RAI1: variants seen among roughly 807,000 people sequenced by gnomAD.
RAI1 encodes retinoic acid-induced protein 1.
Under a neutral mutation model 123.8 loss-of-function variants are expected in RAI1, and 9 were observed. The ratio of observed to expected loss-of-function variants is 0.07; its 90% CI spans 0.04 to 0.13. The LOEUF (loss-of-function observed/expected upper bound fraction) is 0.13, where lower values mean the gene tolerates loss of function less well. Among genes scored for constraint, RAI1 ranks in the 10% least tolerant of loss-of-function variants. The pLI is 1.00. For synonymous variants in RAI1, 1,231 were observed against 1,127.3 expected (o/e 1.09, Z -1.84); for missense variants, 2,256 against 2,545.8 (o/e 0.89, Z 2.45).
chr17:17,721,151 C>T (rs1422333873), intron 1 of RAI1, among the ~76,000 whole-genome samples: 1 of 152,012 alleles, frequency 6.6e-6, no homozygotes, highest in Non-Finnish European at 1.5e-5. Flanking sequence ...ATGTCCTGGC[C>T]CTGATGTTCT....
At chr17:17,724,352 G>C (rs939537498) in intron 2 of RAI1, among the ~76,000 whole-genome samples, 193 bp downstream of exon 2, 7 of 148,510 alleles carry the variant, frequency 4.7e-5, no homozygotes, top group Non-Finnish European at 8.9e-5. Flanking sequence ...ATGTTTGGGG[G>C]TTTTCCACGC....
intron 2 of RAI1, among the ~76,000 whole-genome samples, chr17:17,756,850 C>T (rs1016005558): frequency 1.3e-5 from 2 of 152,206 alleles, no homozygotes; most frequent in African/African-American, 4.8e-5. Flanking sequence ...CTTGGCCAGG[C>T]CTCAGGCTTC....
intron 2 of RAI1, among the ~76,000 whole-genome samples, chr17:17,765,445 G>GT (rs1383281774): frequency 2.6e-5 from 4 of 152,248 alleles, no homozygotes; most frequent in African/African-American, 7.2e-5. Flanking sequence ...GGTCTGTATT[G>GT]TACACACAAG....
At chr17:17,765,060 A>G (rs2030869441) in intron 2 of RAI1, among the ~76,000 whole-genome samples, 1 of 152,248 alleles carries the variant, frequency 6.6e-6, no homozygotes, top group Admixed American at 6.5e-5. Flanking sequence ...TTGCGCCTGT[A>G]TTCCCAGCAC....
At position 17,795,021 on chromosome 17, in the gene RAI1, C is replaced by T. The variant is rs1184975546; in HGVS notation, c.2073C>T (p.Ser691=). The T allele has an allele frequency of 1.4e-5, 22 of 1,614,122 alleles. No homozygotes were observed. Among genetic ancestry groups the T allele is most frequent in the African/African-American group, 2.7e-5 (2 of 75,058 alleles). The change falls in exon 3 of 6, where the codon TCC becomes TCT. Residue 691 remains serine (S), a synonymous_variant. Coordinates refer to ENST00000353383, the MANE Select transcript of RAI1 (RefSeq NM_030665.4). This position sits in a 1 kb window ranked among gnomAD's most constrained non-coding sequence, Gnocchi z 5.9. Reference sequence around the variant, plus strand: ...GCCCAGGGCTGTTTGAAGACCCTTCCGTGGCCTTCGCTACGCCTGACCCCA... The same window carrying T: ...GCCCAGGGCTGTTTGAAGACCCTTCTGTGGCCTTCGCTACGCCTGACCCCA... The part of the protein sequence containing the change: ...DFSPGLFEDP[S]VAFATPDPKK...
intron 1 of RAI1, among the ~76,000 whole-genome samples, chr17:17,688,595 TTTTG>T (rs959393564): frequency 2.8e-4 from 43 of 152,158 alleles, no homozygotes; most frequent in South Asian, 1.7e-3. Flanking sequence ...TTGTTTTTTG[TTTTG>T]TTTGTTTGTT....
intron 2 of RAI1, among the ~76,000 whole-genome samples, chr17:17,784,616 G>GA (rs1167503587): frequency 6.6e-6 from 1 of 152,190 alleles, no homozygotes; most frequent in Non-Finnish European, 1.5e-5. Flanking sequence ...TAGGCCAGGA[G>GA]AGGGGGGGTG....
chr17:17,780,778 T>C (rs2031547003), intron 2 of RAI1, among the ~76,000 whole-genome samples: 1 of 152,122 alleles, frequency 6.6e-6, no homozygotes, highest in African/African-American at 2.4e-5. Flanking sequence ...ATGAGGGAAG[T>C]CCATGCCCAG....
chr17:17,689,116 T>G (rs1170555809), intron 1 of RAI1, among the ~76,000 whole-genome samples: 1 of 151,962 alleles, frequency 6.6e-6, no homozygotes, highest in African/African-American at 2.4e-5. Flanking sequence ...CTACCATGTC[T>G]GGCTAATTTT....
chr17:17,740,072 G>A (rs1472069656), intron 2 of RAI1, among the ~76,000 whole-genome samples: 1 of 152,238 alleles, frequency 6.6e-6, no homozygotes, highest in African/African-American at 2.4e-5. Flanking sequence ...GGGGATAGCT[G>A]GGGATCAGAC....
At chr17:17,704,930 C>G (rs573633869) in intron 1 of RAI1, among the ~76,000 whole-genome samples, 5 of 152,216 alleles carry the variant, frequency 3.3e-5, no homozygotes, top group Non-Finnish European at 5.9e-5. Flanking sequence ...AGTGACATGT[C>G]CCTTCTAGGC....
chr17:17,724,692 TCCCGAGAGCG>T (rs929927623), intron 2 of RAI1, among the ~76,000 whole-genome samples: 2 of 152,040 alleles, frequency 1.3e-5, no homozygotes, highest in African/African-American at 4.8e-5. Flanking sequence ...ATGGGAAACT[TCCCGAGAGCG>T]CGGCCTCCCT....
intron 1 of RAI1, among the ~76,000 whole-genome samples, chr17:17,686,825 TCA>T (rs1441665833): frequency 6.6e-6 from 1 of 151,792 alleles, no homozygotes; most frequent in Non-Finnish European, 1.5e-5. Flanking sequence ...GCGCATCGTC[TCA>T]CACCACCATC....
intron 1 of RAI1, among the ~76,000 whole-genome samples, chr17:17,687,777 C>T (rs1914688692): frequency 6.6e-6 from 1 of 152,108 alleles, no homozygotes; most frequent in Non-Finnish European, 1.5e-5. Flanking sequence ...CGCTTGTAAT[C>T]CCAGCACTTT....
In RAI1 at chr17:17,809,201, C is replaced by T; in HGVS notation, c.5660-189C>T. ...TGAGTCAAGACTGCCAGGCCAGGGG[C>T]CGCACCCGCGCCGTGGAGTGGAGTG... On this transcript the variant is annotated intron_variant, in intron 4 of 5. Coordinates refer to ENST00000353383, the MANE Select transcript of RAI1 (RefSeq NM_030665.4). This position sits in a 1 kb window ranked among gnomAD's most constrained non-coding sequence, Gnocchi z 4.9. 1.4e-6 allele frequency: 1 copy of T among 693,776 alleles called. No homozygotes were observed. The highest frequency in any genetic ancestry group is 2.6e-6 in the Non-Finnish European group (1 of 382,264). 43.0% of individuals were successfully genotyped at this position (693,776 alleles called of 1,614,324 possible).
At chr17:17,782,615 G>A (rs1163596012) in intron 2 of RAI1, among the ~76,000 whole-genome samples, 1 of 151,392 alleles carries the variant, frequency 6.6e-6, no homozygotes, top group Non-Finnish European at 1.5e-5. Flanking sequence ...TGAGCCACGG[G>A]GGCGGGGGGT....
intron 1 of RAI1, among the ~76,000 whole-genome samples, chr17:17,710,242 AAAAG>A (rs902824473): frequency 3.3e-5 from 5 of 152,098 alleles, no homozygotes; most frequent in African/African-American, 1.2e-4. Flanking sequence ...TAGCCACAAA[AAAAG>A]AGCATTTCAA....
At chr17:17,807,257 G>T (rs1567939447) in intron 4 of RAI1, among the ~76,000 whole-genome samples, 1 of 149,944 alleles carries the variant, frequency 6.7e-6, no homozygotes, top group African/African-American at 2.4e-5. Flanking sequence ...GGTGGGGGGG[G>T]CGGGGGGGTG....
chr17:17,789,282 G>A (rs2031932354), intron 2 of RAI1, among the ~76,000 whole-genome samples: 1 of 152,242 alleles, frequency 6.6e-6, no homozygotes. Context: ...CACTTGTCCT[G>A]AACCTCACTT....
Sources: allele counts gnomAD v4.1 joint callset (sites outside exome capture counted in the v4.1 genomes callset), GRCh38; gene constraint gnomAD v4.1.1; non-coding constraint Gnocchi (gnomAD v3.1); transcripts MANE v1.5; gene names NCBI Gene and HGNC (gene_info 2026-07-23, HGNC 2026-07-21).